NRG1: variants seen among roughly 807,000 people sequenced by gnomAD.
The protein encoded by NRG1 is neuregulin 1.
A neutral mutation model predicts 63.8 loss-of-function variants in NRG1; 18 were observed. That is an observed-to-expected ratio of 0.28 (90% CI 0.19 to 0.42). The LOEUF (loss-of-function observed/expected upper bound fraction) is 0.42. NRG1 is among the 10% of genes least tolerant of loss of function. The pLI is 1.00. For missense variants in NRG1, 762 were observed against 814.7 expected, an observed-to-expected ratio of 0.94 and a Z score of 0.79; for synonymous variants, 302 against 301.3, an observed-to-expected ratio of 1.00 and a Z score of -0.02.
At chr8:32,176,263 C>T (rs960544091) in intron 1 of NRG1, among the ~76,000 whole-genome samples, 1 of 152,162 alleles carries the variant, frequency 6.6e-6, no homozygotes, top group African/African-American at 2.4e-5. Flanking sequence ...GCTGGGAAAA[C>T]TGGCTAGCCA....
chr8:31,707,611 T>A (rs900725821), intron 1 of NRG1, among the ~76,000 whole-genome samples: 1 of 152,164 alleles, frequency 6.6e-6, no homozygotes, highest in African/African-American at 2.4e-5. Context: ...TTCTCAAAAT[T>A]ATGATATTAC....
chr8:32,157,519 C>T (rs555170953), intron 1 of NRG1, among the ~76,000 whole-genome samples: 4 of 151,494 alleles, frequency 2.6e-5, no homozygotes, highest in South Asian at 2.1e-4. Flanking sequence ...ATTAGCCGGG[C>T]GTGGTGGTAC....
rs530107040 is a variant in NRG1 at position 32,548,522 on chromosome 8, C to G, written c.-205C>G. 985 of 1,243,162 alleles carry G rather than the reference C, an allele frequency of 7.9e-4. 1 individual carries two copies. The highest frequency in any genetic ancestry group is 1.6e-3 in the Middle Eastern group (6 of 3,698). The allele number at this position is 1,243,162 out of a possible 1,614,324, so 77.0% of individuals were successfully genotyped here. A position where few individuals can be genotyped will look rare whatever the true frequency, so the allele number is the denominator to read the frequency against. ...AGCCCCGAGAGCCAGGGCGAGCGCC[C>G]GTTCCAGGTGGCCGGACCGCCCGCC... is the stretch of plus-strand genomic sequence containing the variant. On this transcript the variant is annotated 5_prime_UTR_variant, in exon 1 of 12. Transcript: ENST00000356819.
chr8:32,481,709 A>G (rs1355872569), intron 1 of NRG1, among the ~76,000 whole-genome samples: 3 of 152,262 alleles, frequency 2.0e-5, no homozygotes, highest in African/African-American at 7.2e-5. Context: ...AATAGCTGCT[A>G]TAAGGACTAA....
intron 7 of NRG1, 64 bp from the exon 8 acceptor site, chr8:32,754,307 TG>T: frequency 7.3e-7 from 1 of 1,369,256 alleles, no homozygotes; most frequent in Non-Finnish European, 1.0e-6. Flanking sequence ...GCCCACTGTT[TG>T]GTTGTAGTCA....
At chr8:32,427,884 C>A (rs532509867) in intron 1 of NRG1, among the ~76,000 whole-genome samples, 2 of 152,110 alleles carry the variant, frequency 1.3e-5, no homozygotes, top group East Asian at 1.9e-4. Flanking sequence ...ACCCTGCAAA[C>A]GTTTTCTTCC....
intron 1 of NRG1, among the ~76,000 whole-genome samples, chr8:31,694,698 A>G (rs889737364): frequency 1.1e-4 from 17 of 152,196 alleles, no homozygotes; most frequent in Admixed American, 1.1e-3. Context: ...CATTTGCGGC[A>G]TCTAACCCAG....
intron 1 of NRG1, among the ~76,000 whole-genome samples, chr8:32,026,803 A>C (rs7842075): frequency 0.97 from 148,020 of 152,260 alleles, 72,086 homozygotes; most frequent in East Asian, 1. Context: ...ATAAATATTT[A>C]TTTTCATTTG....
At chr8:31,927,378 T>C (rs1012238826) in intron 1 of NRG1, among the ~76,000 whole-genome samples, 2 of 151,414 alleles carry the variant, frequency 1.3e-5, no homozygotes, top group Non-Finnish European at 2.9e-5. Flanking sequence ...GAAATCTGAA[T>C]TTTTTTTTCC....
In NRG1 at chr8:32,370,076, C is replaced by T. The variant is rs942605725; in HGVS notation, c.38-225752C>T. On this transcript the variant is annotated intron_variant, in intron 1 of 10. Transcript: ENST00000519301. ...GGTCAGGAAAGGGGAGAAGGACTGA[C>T]ATGAACTGGCAAATGGCAACAGATA... 7.9e-5 allele frequency among the ~76,000 whole-genome samples: 12 copies of T among 152,264 alleles called. No individual in the cohort carries two copies. In the East Asian group the frequency reaches 1.4e-3, roughly 17 times the overall value.
chr8:32,518,913 A>G (rs1032638496), intron 1 of NRG1, among the ~76,000 whole-genome samples: 6 of 152,310 alleles, frequency 3.9e-5, no homozygotes, highest in African/African-American at 1.2e-4. Context: ...ATTAACTAGT[A>G]GACTACTGGA....
intron 5 of NRG1, among the ~76,000 whole-genome samples, chr8:32,665,341 A>G (rs1378890903): frequency 6.6e-6 from 1 of 152,160 alleles, no homozygotes; most frequent in East Asian, 1.9e-4. Flanking sequence ...ATTATTACAA[A>G]AAGAGGTAAA....
Position 32,548,815 on chromosome 8 carries a change from G to T in NRG1, c.89G>T (p.Ser30Ile), listed in dbSNP as rs978995453. Residue 30 changes from serine to isoleucine, a missense_variant, in exon 1 of 12, where the codon AGC (serine) becomes ATC (isoleucine). Physicochemically the swap from Ser to Ile is moderately radical, Grantham distance 142. Transcript: ENST00000356819. ...AAGAAGCCGGAGTCCGCGGCGGGCA[G>T]CCAGAGCCCAGGTGGGTGCGCAGCG... is the stretch of plus-strand genomic sequence containing the variant. 2.5e-6 allele frequency: 4 copies of T among 1,571,670 alleles called. No individual in the cohort carries two copies. The African/African-American group carries it at 5.4e-5, about 21-fold the overall frequency.
chr8:32,158,431 C>T (rs1001677889), intron 1 of NRG1, among the ~76,000 whole-genome samples: 2 of 65,732 alleles, frequency 3.0e-5, no homozygotes, highest in Non-Finnish European at 7.3e-5. Context: ...GTTCGTTTCT[C>T]TTTGTTTGGT....
At chr8:32,251,941 T>C (rs184735292) in intron 1 of NRG1, among the ~76,000 whole-genome samples, 50 of 152,332 alleles carry the variant, frequency 3.3e-4, no homozygotes, top group African/African-American at 1.2e-3. Context: ...GTTGCATTTC[T>C]CTAATGACCA....
At chr8:31,811,903 C>T (rs1424401891) in intron 1 of NRG1, among the ~76,000 whole-genome samples, 1 of 152,122 alleles carries the variant, frequency 6.6e-6, no homozygotes. Flanking sequence ...TTGAATTAAG[C>T]ACCTCAAACT....
intron 1 of NRG1, among the ~76,000 whole-genome samples, chr8:31,919,651 A>G (rs1279016229): frequency 6.6e-6 from 1 of 152,142 alleles, no homozygotes; most frequent in Admixed American, 6.6e-5. Flanking sequence ...AACCTGATTC[A>G]ACACATCAGT....
At chr8:32,140,978 T>A (rs1479276534) in intron 1 of NRG1, among the ~76,000 whole-genome samples, 1 of 152,128 alleles carries the variant, frequency 6.6e-6, no homozygotes, top group African/African-American at 2.4e-5. Context: ...TCTCTCTCTG[T>A]CTCTGTGTCT....
intron 1 of NRG1, among the ~76,000 whole-genome samples, chr8:32,187,882 G>C (rs1297670808): frequency 6.6e-6 from 1 of 152,174 alleles, no homozygotes; most frequent in African/African-American, 2.4e-5. Context: ...GCCTGCACTT[G>C]GGGCAACATG....
Sources: gnomAD v4.1 joint callset for allele counts (sites outside exome capture counted in the v4.1 genomes callset) on GRCh38, gnomAD v4.1.1 for gene constraint, MANE v1.5 for transcripts, NCBI Gene and HGNC (gene_info 2026-07-23, HGNC 2026-07-21) for gene names.